SIRT5: variants seen among roughly 807,000 people sequenced by gnomAD.
SIRT5 encodes the protein sirtuin 5.
SIRT5 carries 26 observed loss-of-function variants against 40.0 expected under a neutral mutation model. The ratio of observed to expected loss-of-function variants is 0.65; its 90% CI spans 0.48 to 0.90. The LOEUF is 0.90. Ranked by LOEUF, SIRT5 falls within the 40% of genes least tolerant of loss-of-function variation. SIRT5 has a pLI of 0.00. For synonymous variants in SIRT5, 146 were observed against 149.1 expected (o/e 0.98, Z 0.15); for missense variants, 401 against 402.4 (o/e 1.00, Z 0.03).
At chr6:13,591,152 A>G (rs982842812) in intron 4 of SIRT5, among the ~76,000 whole-genome samples, 1 of 151,832 alleles carries the variant, frequency 6.6e-6, no homozygotes, top group Non-Finnish European at 1.5e-5. Context: ...AGTTGTGTGT[A>G]GATGTGCGTG....
chr6:13,583,448 C>T (rs1759637064), intron 2 of SIRT5, among the ~76,000 whole-genome samples: 2 of 151,854 alleles, frequency 1.3e-5, no homozygotes, highest in South Asian at 4.2e-4. Flanking sequence ...GCATGCACCA[C>T]CACTCCCAGC....
chr6:13,592,691 C>A (rs1426410254), intron 5 of SIRT5, among the ~76,000 whole-genome samples: 2 of 152,170 alleles, frequency 1.3e-5, no homozygotes, highest in Non-Finnish European at 2.9e-5. Flanking sequence ...TCCCTCTGGG[C>A]TCCTTCCTCT....
rs771116254 is a variant in SIRT5 at position 13,591,906 on chromosome 6, C to G, written c.475+12C>G. The G allele has an allele frequency of 1.2e-6, 2 of 1,605,590 alleles. No homozygotes were observed. The highest frequency in any genetic ancestry group is 1.7e-6 in the Non-Finnish European group (2 of 1,172,996). ...TCTGGAGATCCATGGTGAGAGACCC[C>G]CAGCCTCCCATTCAGGGAACCAGCT... On this transcript the variant is annotated intron_variant, in intron 5 of 9. Transcript: ENST00000606117.
At chr6:13,579,291 A>G (rs891016280) in intron 1 of SIRT5, among the ~76,000 whole-genome samples, 160 bp from the exon 2 acceptor site, 1 of 152,250 alleles carries the variant, frequency 6.6e-6, no homozygotes, top group African/African-American at 2.4e-5. Flanking sequence ...AAGACTAAGA[A>G]AATAGTTTTA....
rs1054191673 is a variant in SIRT5, at chr6:13,600,875, C to T, written c.783C>T (p.Ala261=). 3 of 1,614,062 alleles carry T rather than the reference C, an allele frequency of 1.9e-6. No individual in the cohort carries two copies. Among genetic ancestry groups the T allele is most frequent in the Non-Finnish European group, 2.5e-6 (3 of 1,179,992 alleles). ...SSVVYPAAMF[A]PQVAARGVPV... ...TGGTGTACCCAGCAGCCATGTTTGC[C>T]CCCCAGGTGGCTGCCAGGGGCGTGC... The change falls in exon 9 of 10, where the codon GCC becomes GCT. Residue 261 remains alanine, a synonymous_variant. Transcript: ENST00000606117.
intron 6 of SIRT5, 133 bp downstream of exon 6, chr6:13,595,697 G>T: frequency 1.3e-6 from 1 of 747,136 alleles, no homozygotes; most frequent in South Asian, 1.7e-5. Flanking sequence ...ACAAGGCTGG[G>T]TGCAGTGGCT....
chr6:13,593,564 TAGTC>T (rs1195131510), intron 5 of SIRT5, among the ~76,000 whole-genome samples: 2 of 152,320 alleles, frequency 1.3e-5, no homozygotes, highest in South Asian at 2.1e-4. Flanking sequence ...ATATGTGTGT[TAGTC>T]AGGACTTTTT....
chr6:13,581,258 A>G (rs1362846499), intron 2 of SIRT5, among the ~76,000 whole-genome samples: 1 of 152,216 alleles, frequency 6.6e-6, no homozygotes, highest in Non-Finnish European at 1.5e-5. Context: ...TTTACTTGTC[A>G]TGTCTCATTA....
rs1002979700 is a variant in SIRT5 at position 13,613,172 on chromosome 6, C to G, written c.*1307C>G. ...ACATAGCACTTTCACTCAGCACCCT[C>G]CCCTCAGCAGCCTCCACGTGGCAAC... On this transcript the variant is annotated 3_prime_UTR_variant, in exon 10 of 10. Coordinates refer to ENST00000606117, the MANE Select transcript of SIRT5 (RefSeq NM_012241.5). 5 of 152,294 alleles carry G rather than the reference C, an allele frequency of 3.3e-5. No individual in the cohort carries two copies. The highest frequency in any genetic ancestry group is 1.3e-4 in the Admixed American group (2 of 15,280). The allele number at this position is 152,294 out of a possible 1,614,324, so 9.4% of individuals were successfully genotyped here.
intron 9 of SIRT5, 73 bp downstream of exon 9, chr6:13,601,022 C>CCATGT: frequency 8.8e-7 from 1 of 1,130,428 alleles, no homozygotes; most frequent in Non-Finnish European, 1.3e-6. Context: ...ACATAGTTGA[C>CCATGT]CTACTCCTCT....
At chr6:13,584,276 A>G (rs768327939) in intron 3 of SIRT5, 51 bp downstream of exon 3, 8 of 1,276,990 alleles carry the variant, frequency 6.3e-6, no homozygotes, top group Admixed American at 1.7e-5. Flanking sequence ...GAAGTACCTG[A>G]AAGTCCTACA....
chr6:13,604,334 T>C, intron 9 of SIRT5: 1 of 704,230 alleles, frequency 1.4e-6, no homozygotes, highest in Non-Finnish European at 2.5e-6. Context: ...CTAAGCGTAG[T>C]AATACCGGAG....
chr6:13,588,523 G>T, intron 4 of SIRT5, 59 bp downstream of exon 4: 1 of 1,572,490 alleles, frequency 6.4e-7, no homozygotes, highest in South Asian at 1.2e-5. Flanking sequence ...AACAGAGTTT[G>T]ACTCAAATCC....
chr6:13,598,510 C>T (rs572805964), intron 7 of SIRT5, among the ~76,000 whole-genome samples: 1 of 152,066 alleles, frequency 6.6e-6, no homozygotes, highest in South Asian at 2.1e-4. Context: ...GTCAGCACAT[C>T]AAGTACATAC....
Position 13,613,361 on chromosome 6 carries a change from T to G in SIRT5, c.*1496T>G, listed in dbSNP as rs1054909047. 2 of 152,180 alleles carry G rather than the reference T, an allele frequency of 1.3e-5. No individual in the cohort carries two copies. The highest frequency in any genetic ancestry group is 4.8e-5 in the African/African-American group (2 of 41,432). 9.4% of individuals were successfully genotyped at this position (152,180 alleles called of 1,614,324 possible). On this transcript the variant is annotated 3_prime_UTR_variant, in exon 10 of 10. Transcript: ENST00000606117. Reference sequence around the variant, plus strand: ...CCTTAACCTTTACCAGCTAACTCAGTGCTTAGGGGCCTTGGAATGCCTGCT... The same window carrying G: ...CCTTAACCTTTACCAGCTAACTCAGGGCTTAGGGGCCTTGGAATGCCTGCT...
intron 2 of SIRT5, among the ~76,000 whole-genome samples, chr6:13,583,272 T>TC (rs1165350469): frequency 1.3e-4 from 19 of 151,466 alleles, no homozygotes; most frequent in Non-Finnish European, 2.7e-4. Flanking sequence ...CATACCTTCT[T>TC]TTTTTTCTTC....
At chr6:13,585,412 G>A (rs960481734) in intron 3 of SIRT5, among the ~76,000 whole-genome samples, 3 of 151,354 alleles carry the variant, frequency 2.0e-5, no homozygotes, top group African/African-American at 7.3e-5. Context: ...CCCCCGACAG[G>A]CCCCAGTGTG....
At chr6:13,595,328 C>A in intron 5 of SIRT5, 149 bp from the exon 6 acceptor site, 2 of 622,520 alleles carry the variant, frequency 3.2e-6, no homozygotes, top group South Asian at 1.9e-5. Flanking sequence ...GAGCTATGAT[C>A]GTACTGCTAC....
At chr6:13,601,054 G>A in intron 9 of SIRT5, 105 bp downstream of exon 9, 1 of 843,178 alleles carries the variant, frequency 1.2e-6, no homozygotes, top group East Asian at 2.9e-5. Flanking sequence ...AAGACATAGG[G>A]TTTGTGTTTT....
Sources: allele counts gnomAD v4.1 joint callset (sites outside exome capture counted in the v4.1 genomes callset), GRCh38; gene constraint gnomAD v4.1.1; transcripts MANE v1.5; gene names NCBI Gene and HGNC (gene_info 2026-07-23, HGNC 2026-07-21).